Variants in ZNF350 observed in about 807,000 individuals in gnomAD.
The protein encoded by ZNF350 is KRAB zinc finger protein ZFQR.
ZNF350 carries 5 observed loss-of-function variants against 13.1 expected under a neutral mutation model. The ratio of observed to expected loss-of-function variants is 0.38; its 90% confidence interval spans 0.20 to 0.80. The LOEUF (loss-of-function observed/expected upper bound fraction) is 0.80, where lower values mean the gene tolerates loss of function less well. Ranked by LOEUF, ZNF350 falls within the 30% of genes least tolerant of loss-of-function variation. ZNF350 has a pLI of 0.43. For synonymous variants in ZNF350, 199 were observed against 224.2 expected (o/e 0.89, Z 1.00); for missense variants, 534 against 644.2 (o/e 0.83, Z 1.85).
At chr19:51,970,218 C>A (rs1038796176) in intron 2 of ZNF350, among the ~76,000 whole-genome samples, 1 of 151,922 alleles carries the variant, frequency 6.6e-6, no homozygotes, top group Non-Finnish European at 1.5e-5. Context: ...CCCGCCACCA[C>A]AACCAGCTAA....
rs935057595 is a variant in ZNF350 at position 51,965,775 on chromosome 19, T to C, written c.678A>G (p.Val226=). Residue 226 remains valine (V), a synonymous_variant, in exon 5 of 5, where the codon GTA becomes GTG. Coordinates refer to ENST00000243644, the MANE Select transcript of ZNF350 (RefSeq NM_021632.4). Reference sequence around the variant, plus strand: ...TGTGGGGTTTCTCTCCTGTATGCATTACCTGGTGATCAGTTAGCCAAGACT... The same window carrying C: ...TGTGGGGTTTCTCTCCTGTATGCATCACCTGGTGATCAGTTAGCCAAGACT... The part of the protein sequence containing the change: ...IKKSWLTDHQ[V]MHTGEKPHRC... The C allele has an allele frequency of 1.9e-6, 3 of 1,613,838 alleles. No individual in the cohort carries two copies. Among genetic ancestry groups the C allele is most frequent in the African/African-American group, 2.7e-5 (2 of 74,930 alleles).
Position 51,965,044 on chromosome 19 carries a change from T to C in ZNF350, c.1409A>G (p.Gln470Arg), listed in dbSNP as rs2085525005. 6.2e-7 allele frequency: 1 copy of C among 1,614,218 alleles called. No individual in the cohort carries two copies. The highest frequency in any genetic ancestry group is 1.3e-5 in the African/African-American group (1 of 75,066). ...ATTQVPSVAP[Q>R]TSLNISGLLA... ...GAGGCCGCTGATGTTTAATGATGTC[T>C]GAGGGGCCACAGAAGGCACTTGTGT... The change falls in exon 5 of 5, where the codon CAG becomes CGG. Residue 470 changes from glutamine (Q) to arginine (R), a missense_variant. Transcript: ENST00000243644.
intron 1 of ZNF350, among the ~76,000 whole-genome samples, chr19:51,977,229 A>G (rs1018860007): frequency 1.3e-5 from 2 of 152,132 alleles, no homozygotes; most frequent in Non-Finnish European, 2.9e-5. Context: ...AACACACCCC[A>G]CTAGAGTTTA....
rs1455987736 is a variant in ZNF350, at chr19:51,975,439, A to AC, written c.-171-909_-171-908insG. Among the ~76,000 whole-genome samples, 548 of 151,438 alleles carry AC rather than the reference A, an allele frequency of 3.6e-3. 3 individuals carry two copies. The highest frequency in any genetic ancestry group is 0.014 in the Middle Eastern group (4 of 294). ...AGCGAAACCTCGTCTTAAAAAAAAAAAAAAAAAAAAAAACTAGTAATTGTT... is the reference window on the plus strand; with the variant it reads ...AGCGAAACCTCGTCTTAAAAAAAAAACAAAAAAAAAAAAACTAGTAATTGTT... On this transcript the variant is annotated intron_variant, in intron 1 of 4. Transcript: ENST00000243644.
At chr19:51,975,446 A>AAAAC (rs2085865344) in intron 1 of ZNF350, among the ~76,000 whole-genome samples, 2 of 151,168 alleles carry the variant, frequency 1.3e-5, no homozygotes, top group South Asian at 2.1e-4. Context: ...AAAAAAAAAA[A>AAAAC]AAAAAACTAG....
chr19:51,969,069 G>C lies in ZNF350; in HGVS notation c.78C>G (p.Gly26=). The C allele has an allele frequency of 6.2e-7, 1 of 1,614,042 alleles. No homozygotes were observed. The highest frequency in any genetic ancestry group is 8.5e-7 in the Non-Finnish European group (1 of 1,179,968). The change falls in exon 3 of 5, where the codon GGC becomes GGG. Residue 26 remains glycine, a synonymous_variant. Transcript: ENST00000243644. Reference sequence around the variant, plus strand: ...CCCGGTACAGGTCCTTCTGAGCAGCGCCCAGGAGTTGCCACTCCTCCCAAG... The same window carrying C: ...CCCGGTACAGGTCCTTCTGAGCAGCCCCCAGGAGTTGCCACTCCTCCCAAG... ...DFTWEEWQLL[G]AAQKDLYRDV... is the part of the protein sequence containing the mutation.
At chr19:51,986,141 C>T (rs746847047) in intron 1 of ZNF350, among the ~76,000 whole-genome samples, 1 of 152,162 alleles carries the variant, frequency 6.6e-6, no homozygotes, top group Non-Finnish European at 1.5e-5. Flanking sequence ...AATATATAAT[C>T]GGAGGGTATG....
At chr19:51,985,250 G>A (rs993416539) in intron 1 of ZNF350, among the ~76,000 whole-genome samples, 7 of 152,222 alleles carry the variant, frequency 4.6e-5, no homozygotes, top group African/African-American at 1.4e-4. Context: ...ACAACACAAC[G>A]GGTGAATTTT....
rs964521053 is a variant in ZNF350, at chr19:51,976,772, C to T, written c.-171-2241G>A. 3.9e-5 allele frequency: 6 copies of T among 152,180 alleles called. No individual in the cohort carries two copies. The highest frequency in any genetic ancestry group is 1.9e-4 in the East Asian group (1 of 5,196). 9.4% of individuals were successfully genotyped at this position (152,180 alleles called of 1,614,324 possible). ...CTGCAGAAGCCACAAAAGGTTATTA[C>T]ACATAACCCATCGTTTCCACAGGCA... On this transcript the variant is annotated intron_variant, in intron 1 of 4. Transcript: ENST00000243644. This position sits in a 1 kb window ranked among gnomAD's most constrained non-coding sequence, Gnocchi z 4.5.
At chr19:51,968,728 CAAG>C (rs2085647822) in intron 3 of ZNF350, 55 bp from the exon 4 acceptor site, 2 of 1,553,152 alleles carry the variant, frequency 1.3e-6, no homozygotes, top group Non-Finnish European at 8.9e-7. Context: ...CTGGCAATGT[CAAG>C]AAGGAAGAAT....
chr19:51,964,676 T>A lies in ZNF350; in HGVS notation c.*178A>T, dbSNP rs1363243328. Reference sequence around the variant, plus strand: ...TTAATTGACACAGTCGAGCAATTGCTGTGTATGTGCTTAGGTTAACATCAA... The same window carrying A: ...TTAATTGACACAGTCGAGCAATTGCAGTGTATGTGCTTAGGTTAACATCAA... On this transcript the variant is annotated 3_prime_UTR_variant, in exon 5 of 5. Transcript: ENST00000243644. 1.1e-5 allele frequency: 7 copies of A among 640,168 alleles called. No homozygotes were observed. Among genetic ancestry groups the A allele is most frequent in the Admixed American group, 3.3e-5 (1 of 30,518 alleles). 39.7% of individuals were successfully genotyped at this position (640,168 alleles called of 1,614,324 possible).
rs2085656070 is a variant in ZNF350, at chr19:51,968,995, C to G, written c.142+10G>C. 1 of 1,614,018 alleles carries G rather than the reference C, an allele frequency of 6.2e-7. No homozygotes were observed. The highest frequency in any genetic ancestry group is 2.2e-5 in the East Asian group (1 of 44,866). ...GCACCCTCTGAGTGACACAGGGCAG[C>G]TGTCCTCACCCACTGCCACCAGGTT... On this transcript the variant is annotated intron_variant, in intron 3 of 4. Coordinates refer to ENST00000243644, the MANE Select transcript of ZNF350 (RefSeq NM_021632.4).
At chr19:51,969,319 T>C (rs577699373) in intron 2 of ZNF350, among the ~76,000 whole-genome samples, 188 bp from the exon 3 acceptor site, 4 of 152,204 alleles carry the variant, frequency 2.6e-5, no homozygotes, top group Admixed American at 2.6e-4. Context: ...TCATCCTCCA[T>C]TCACCCAATT....
chr19:51,972,718 T>TAG (rs3069399), intron 2 of ZNF350, among the ~76,000 whole-genome samples: 32,584 of 151,842 alleles, frequency 0.21, 3,870 homozygotes, highest in African/African-American at 0.31. Context: ...TATATAGACA[T>TAG]AGATCCACAA....
intron 1 of ZNF350, among the ~76,000 whole-genome samples, chr19:51,979,621 T>A (rs2085984035): frequency 6.6e-6 from 1 of 152,174 alleles, no homozygotes; most frequent in Non-Finnish European, 1.5e-5. Flanking sequence ...TCATTCCCAG[T>A]CCAGTCACCC....
chr19:51,969,975 C>T (rs2085688274), intron 2 of ZNF350, among the ~76,000 whole-genome samples: 1 of 152,230 alleles, frequency 6.6e-6, no homozygotes, highest in Admixed American at 6.5e-5. Flanking sequence ...TCACTGCAAC[C>T]TCCGCCTCCC....
At chr19:51,967,315 G>C (rs1358230401) in intron 4 of ZNF350, 1 of 152,124 alleles carries the variant, frequency 6.6e-6, no homozygotes, top group African/African-American at 2.4e-5. Context: ...ATAGGCACAA[G>C]AATCGCTTGA....
chr19:51,977,063 C>A (rs930097577), intron 1 of ZNF350, among the ~76,000 whole-genome samples: 7 of 152,174 alleles, frequency 4.6e-5, no homozygotes, highest in Admixed American at 3.9e-4. Flanking sequence ...CCTTCAGTTG[C>A]AGAAACATCT....
chr19:51,965,101 A>C lies in ZNF350; in HGVS notation c.1352T>G (p.Met451Arg), dbSNP rs1186018718. 6.2e-7 allele frequency: 1 copy of C among 1,614,234 alleles called. No homozygotes were observed. ...RHSSLHTSDV[M>R]QEKNSANGAT... ...CCCGTTAGCAGAGTTTTTCTCCTGCATGACATCACTGGTGTGTAATGAGCT... is the reference window on the plus strand; with the variant it reads ...CCCGTTAGCAGAGTTTTTCTCCTGCCTGACATCACTGGTGTGTAATGAGCT... The change falls in exon 5 of 5, where the codon ATG (methionine) becomes AGG (arginine). Residue 451 changes from methionine (M) to arginine (R), a missense_variant. Met to Arg is a moderately conservative substitution (Grantham distance 91). Coordinates refer to ENST00000243644, the MANE Select transcript of ZNF350 (RefSeq NM_021632.4).
Sources: allele counts gnomAD v4.1 joint callset (sites outside exome capture counted in the v4.1 genomes callset), GRCh38; gene constraint gnomAD v4.1.1; non-coding constraint Gnocchi (gnomAD v3.1); transcripts MANE v1.5; gene names NCBI Gene and HGNC (gene_info 2026-07-23, HGNC 2026-07-21).